FAM184A: variants seen among roughly 807,000 people sequenced by gnomAD.
FAM184A encodes protein FAM184A.
FAM184A carries 99 observed loss-of-function variants against 143.8 expected under a neutral mutation model. The ratio of observed to expected loss-of-function variants is 0.69; its 90% CI spans 0.58 to 0.81. The LOEUF (loss-of-function observed/expected upper bound fraction) is 0.81. Among genes scored for constraint, FAM184A ranks in the 40% least tolerant of loss-of-function variants. The pLI is 0.00. For missense variants in FAM184A, 1,217 were observed against 1,310.5 expected, an observed-to-expected ratio of 0.93 and a Z score of 1.10; for synonymous variants, 427 against 446.4, an observed-to-expected ratio of 0.96 and a Z score of 0.55.
intron 7 of FAM184A, among the ~76,000 whole-genome samples, chr6:119,003,971 T>C (rs929472570): frequency 6.6e-6 from 1 of 152,226 alleles, no homozygotes; most frequent in African/African-American, 2.4e-5. Context: ...ACCCATTACA[T>C]AGACAGATAT....
intron 6 of FAM184A, among the ~76,000 whole-genome samples, chr6:119,008,781 T>A (rs1227323858): frequency 6.6e-6 from 1 of 152,180 alleles, no homozygotes; most frequent in Non-Finnish European, 1.5e-5. Flanking sequence ...TTTTATAAAT[T>A]ACAAATATGG....
intron 1 of FAM184A, among the ~76,000 whole-genome samples, chr6:119,066,018 T>C (rs1364697543): frequency 2.0e-5 from 3 of 152,082 alleles, no homozygotes; most frequent in Non-Finnish European, 4.4e-5. Flanking sequence ...ATAGTTTCAG[T>C]AAAATAGCAG....
At chr6:119,016,342 G>C (rs1785252926) in intron 5 of FAM184A, among the ~76,000 whole-genome samples, 1 of 152,054 alleles carries the variant, frequency 6.6e-6, no homozygotes, top group Non-Finnish European at 1.5e-5. Flanking sequence ...AATAAATCTT[G>C]CTACTGCTCA....
chr6:119,058,301 A>T (rs1787086620), intron 1 of FAM184A, among the ~76,000 whole-genome samples: 1 of 148,796 alleles, frequency 6.7e-6, no homozygotes, highest in Admixed American at 6.9e-5. Context: ...CTCCTGCCTC[A>T]GCCTCCCTAC....
chr6:119,136,671 C>T (rs680402), intron 1 of FAM184A, among the ~76,000 whole-genome samples: 2,110 of 152,270 alleles, frequency 0.014, 50 homozygotes, highest in African/African-American at 0.047. Context: ...TGGGACTTGT[C>T]GGGCAGTATT....
chr6:119,015,828 C>G (rs1167489268), intron 5 of FAM184A, among the ~76,000 whole-genome samples: 1 of 151,644 alleles, frequency 6.6e-6, no homozygotes, highest in Admixed American at 6.6e-5. Context: ...ATGTCTAGCT[C>G]AGGGATTGTA....
Position 119,003,927 on chromosome 6 carries a change from G to A in FAM184A, c.1816-305C>T, listed in dbSNP as rs553372580. The stretch of plus-strand genomic sequence containing the variant: ...ACTTTCCATATATTAGGTATCTAAC[G>A]GTAGACTGATTATCCAATTACCTTT... On this transcript the variant is annotated intron_variant, in intron 7 of 17. Transcript: ENST00000338891. Among the ~76,000 whole-genome samples, 8 of 151,984 alleles carry A rather than the reference G, an allele frequency of 5.3e-5. No individual in the cohort carries two copies. In the South Asian group the frequency reaches 6.2e-4, roughly 12 times the overall value.
chr6:118,989,235 T>A (rs1784287516), intron 9 of FAM184A, among the ~76,000 whole-genome samples: 1 of 151,646 alleles, frequency 6.6e-6, no homozygotes, highest in Non-Finnish European at 1.5e-5. Context: ...TGCTTGGGAT[T>A]ACAGGCGTGA....
chr6:118,976,128 T>A (rs1583773210), intron 11 of FAM184A, 84 bp from the exon 12 acceptor site: 21 of 1,365,306 alleles, frequency 1.5e-5, no homozygotes, highest in Non-Finnish European at 2.1e-5. Context: ...AGTAAAAAAT[T>A]ATTTCAAAAA....
intron 4 of FAM184A, among the ~76,000 whole-genome samples, chr6:119,019,064 T>C (rs1785359300): frequency 6.6e-6 from 1 of 152,036 alleles, no homozygotes; most frequent in Non-Finnish European, 1.5e-5. Context: ...GACCTAAAGA[T>C]TTAGAAGCTA....
At chr6:119,036,016 G>T (rs890835037) in intron 1 of FAM184A, among the ~76,000 whole-genome samples, 5 of 152,098 alleles carry the variant, frequency 3.3e-5, no homozygotes, top group Non-Finnish European at 7.4e-5. Context: ...TACAGAGTTT[G>T]ACTCTTTTCG....
chr6:119,051,476 A>G (rs542812641), intron 1 of FAM184A, among the ~76,000 whole-genome samples: 1 of 152,364 alleles, frequency 6.6e-6, no homozygotes, highest in South Asian at 2.1e-4. Flanking sequence ...ATAGCACAGT[A>G]GGATAACTAT....
intron 1 of FAM184A, among the ~76,000 whole-genome samples, chr6:119,028,061 T>C (rs2114699764): frequency 6.6e-6 from 1 of 152,360 alleles, no homozygotes; most frequent in Middle Eastern, 3.4e-3. Flanking sequence ...TGATTTTGCC[T>C]GTAGCTTCTG....
At chr6:119,089,895 C>A (rs1415864932) in intron 1 of FAM184A, among the ~76,000 whole-genome samples, 2 of 152,180 alleles carry the variant, frequency 1.3e-5, no homozygotes, top group Non-Finnish European at 2.9e-5. Context: ...AAACTCATCT[C>A]TATCATCAAC....
chr6:119,031,393 C>G (rs998030884), intron 1 of FAM184A: 1 of 152,216 alleles, frequency 6.6e-6, no homozygotes, highest in Non-Finnish European at 1.5e-5. Context: ...TGCCTCTGCT[C>G]TCTCTCTGTA....
At position 119,143,999 on chromosome 6, in the gene FAM184A, C is replaced by A. The variant is rs562216302; in HGVS notation, c.-202+5079G>T. Among the ~76,000 whole-genome samples, 3 of 152,174 alleles carry A rather than the reference C, an allele frequency of 2.0e-5. No individual in the cohort carries two copies. The South Asian group carries it at 6.2e-4, about 32-fold the overall frequency. On this transcript the variant is annotated intron_variant, in intron 1 of 16. Transcript: ENST00000352896. Reference sequence around the variant, plus strand: ...CTGATAACAGCATTATTAGCTTGGCCTAGATGTGAGAAGGCAGTCTGATAG... The same window carrying A: ...CTGATAACAGCATTATTAGCTTGGCATAGATGTGAGAAGGCAGTCTGATAG...
Position 118,959,942 on chromosome 6 carries a change from T to C in FAM184A, c.*161A>G. 1.9e-6 allele frequency: 1 copy of C among 520,270 alleles called. No individual in the cohort carries two copies. Among genetic ancestry groups the C allele is most frequent in the Non-Finnish European group, 3.4e-6 (1 of 295,862 alleles). The allele number at this position is 520,270 out of a possible 1,614,324, so 32.2% of individuals were successfully genotyped here. ...CATAATATAGTACCTTATAGAATGA[T>C]TCCAATAAATATCACAGGAAATACA... On this transcript the variant is annotated 3_prime_UTR_variant, in exon 18 of 18. Coordinates refer to ENST00000338891, the MANE Select transcript of FAM184A (RefSeq NM_024581.6).
chr6:119,108,537 A>C (rs767491298), intron 1 of FAM184A, among the ~76,000 whole-genome samples: 1 of 152,132 alleles, frequency 6.6e-6, no homozygotes, highest in Non-Finnish European at 1.5e-5. Context: ...GTCACTCTTA[A>C]AAACTTTTTC....
chr6:119,103,682 C>T lies in FAM184A; in HGVS notation c.-202+45396G>A, dbSNP rs1052014141. Among the ~76,000 whole-genome samples the T allele has an allele frequency of 8.6e-5, 13 of 152,014 alleles. No homozygotes were observed. The East Asian group carries it at 2.5e-3, about 29-fold the overall frequency. On this transcript the variant is annotated intron_variant, in intron 1 of 16. Transcript: ENST00000352896. ...GTGGCTCAAGCCTGTAATCCTAGCA[C>T]TTTGGGAGGCTGTGACAGGCGGATC... is the stretch of plus-strand genomic sequence containing the variant.
Sources: gnomAD v4.1 joint callset for allele counts (sites outside exome capture counted in the v4.1 genomes callset) on GRCh38, gnomAD v4.1.1 for gene constraint, MANE v1.5 for transcripts, NCBI Gene and HGNC (gene_info 2026-07-23, HGNC 2026-07-21) for gene names.